Variants in ASXL2 observed in about 807,000 individuals in gnomAD.
ASXL2 encodes the protein ASXL transcriptional regulator 2, also known as putative Polycomb group protein ASXL2.
ASXL2 carries 23 observed loss-of-function variants against 122.0 expected under a neutral mutation model. The ratio of observed to expected loss-of-function variants is 0.19; its 90% confidence interval spans 0.14 to 0.27. The LOEUF (loss-of-function observed/expected upper bound fraction) is 0.27, where lower values mean the gene tolerates loss of function less well. Ranked by LOEUF, ASXL2 falls within the 10% of genes least tolerant of loss-of-function variation. The pLI is 1.00. For synonymous variants in ASXL2, 650 were observed against 637.0 expected (o/e 1.02, Z -0.31); for missense variants, 1,518 against 1,713.8 (o/e 0.89, Z 2.02).
At position 25,832,719 on chromosome 2, in the gene ASXL2, TACAAA is replaced by T. The variant is rs1300559568; in HGVS notation, c.143+2814_143+2818del. On this transcript the variant is annotated intron_variant, in intron 3 of 12. Transcript: ENST00000435504. ...CCAGAGAATGGAAAATGTATGCCCA[TACAAA>T]AACATTTACACAAATGTTCATAGAA... Among the ~76,000 whole-genome samples the T allele has an allele frequency of 1.1e-3, 163 of 152,296 alleles. 1 individual carries two copies. Among genetic ancestry groups the T allele is most frequent in the Non-Finnish European group, 1.3e-4 (9 of 68,020 alleles).
chr2:25,748,065 C>A (rs1318542499), intron 12 of ASXL2, among the ~76,000 whole-genome samples: 1 of 151,918 alleles, frequency 6.6e-6, no homozygotes, highest in African/African-American at 2.4e-5. Flanking sequence ...ATAATCCTAG[C>A]TACTTGGGAG....
At chr2:25,814,656 T>C (rs2089212226) in intron 3 of ASXL2, among the ~76,000 whole-genome samples, 1 of 152,212 alleles carries the variant, frequency 6.6e-6, no homozygotes, top group African/African-American at 2.4e-5. Context: ...ACTAATATGT[T>C]TTGTACATAA....
At chr2:25,759,893 A>T (rs1350740290) in intron 8 of ASXL2, among the ~76,000 whole-genome samples, 3 of 152,304 alleles carry the variant, frequency 2.0e-5, no homozygotes, top group African/African-American at 7.2e-5. Context: ...GTCTGTAAAA[A>T]TGGGTCTTCT....
Position 25,750,070 on chromosome 2 carries a change from A to T in ASXL2, c.1486T>A (p.Ser496Thr). ...EDLLEQKPVTSAEQESEKNHL... is the reference protein window; with the variant it reads ...EDLLEQKPVTTAEQESEKNHL... ...TTCTTCTCAGATTCCTGTTCAGCAG[A>T]GGTGACTGGCTTCTGCTCCAAGAGA... Residue 496 changes from serine to threonine, a missense_variant, in exon 12 of 13, where the codon TCT (serine) becomes ACT (threonine). Ser to Thr is a moderately conservative substitution (Grantham distance 58, BLOSUM62 1). Around this residue, in one of 8 missense-constraint regions of ASXL2, gnomAD observed 292 missense variants for 293.5 expected, o/e 1.00. Coordinates refer to ENST00000435504, the MANE Select transcript of ASXL2 (RefSeq NM_018263.6). The T allele has an allele frequency of 1.9e-6, 3 of 1,614,032 alleles. No homozygotes were observed. The South Asian group carries it at 3.3e-5, about 18-fold the overall frequency.
At chr2:25,811,055 T>TAGAC (rs2089162081) in intron 3 of ASXL2, among the ~76,000 whole-genome samples, 1 of 116,358 alleles carries the variant, frequency 8.6e-6, no homozygotes, top group African/African-American at 3.3e-5. Context: ...AATACAAAAA[T>TAGAC]ACACACACAC....
intron 8 of ASXL2, among the ~76,000 whole-genome samples, chr2:25,760,568 A>C (rs1461287394): frequency 2.6e-5 from 4 of 152,224 alleles, no homozygotes; most frequent in Non-Finnish European, 4.4e-5. Context: ...AATATACATA[A>C]AACTACAGGA....
At chr2:25,821,134 G>A (rs781738916) in intron 3 of ASXL2, among the ~76,000 whole-genome samples, 8 of 152,050 alleles carry the variant, frequency 5.3e-5, no homozygotes, top group Non-Finnish European at 8.8e-5. Flanking sequence ...AGCCAAGATC[G>A]CGCCACTGCA....
chr2:25,790,414 C>A (rs972952976), intron 5 of ASXL2, among the ~76,000 whole-genome samples: 11 of 149,828 alleles, frequency 7.3e-5, no homozygotes, highest in Non-Finnish European at 1.5e-4. Context: ...AAAAATAAGA[C>A]CTTGGTTAAA....
intron 3 of ASXL2, among the ~76,000 whole-genome samples, chr2:25,815,135 C>G (rs1188388508): frequency 6.6e-6 from 1 of 152,190 alleles, no homozygotes; most frequent in Non-Finnish European, 1.5e-5. Flanking sequence ...ATTCTCCACT[C>G]TGAAGCCAGA....
chr2:25,854,751 T>A (rs537009870), intron 1 of ASXL2, among the ~76,000 whole-genome samples: 2 of 152,228 alleles, frequency 1.3e-5, no homozygotes, highest in Non-Finnish European at 2.9e-5. Flanking sequence ...AGTCTGGCCA[T>A]GAGTGACGGA....
At chr2:25,770,227 C>T (rs1156495107) in intron 6 of ASXL2, among the ~76,000 whole-genome samples, 1 of 150,658 alleles carries the variant, frequency 6.6e-6, no homozygotes, top group Admixed American at 6.6e-5. Context: ...TTTTTTTTTT[C>T]AGACGGGGTC....
intron 3 of ASXL2, among the ~76,000 whole-genome samples, 196 bp from the exon 4 acceptor site, chr2:25,806,533 T>C (rs145479800): frequency 1.6e-4 from 25 of 152,354 alleles, no homozygotes; most frequent in African/African-American, 5.3e-4. Context: ...TTTCCATGTA[T>C]CTACAAAATA....
intron 3 of ASXL2, chr2:25,810,416 C>G (rs2149176439): frequency 2.9e-6 from 2 of 690,552 alleles, no homozygotes; most frequent in Non-Finnish European, 5.3e-6. Flanking sequence ...GTAGCTTTTT[C>G]CGCTTCTTCC....
rs556899591 is a variant in ASXL2, at chr2:25,843,027, A to G, written c.140+2454T>C. On this transcript the variant is annotated intron_variant, in intron 2 of 12. Coordinates refer to ENST00000435504, the MANE Select transcript of ASXL2 (RefSeq NM_018263.6). ...AATAGAGACGGGGTTTTGGCTGGGC[A>G]CGGTGGCTCACGCCTGTAATCCCAG... 5.9e-3 allele frequency among the ~76,000 whole-genome samples: 879 copies of G among 150,180 alleles called. 4 individuals are homozygous for G. Among genetic ancestry groups the G allele is most frequent in the African/African-American group, 0.011 (466 of 40,918 alleles).
rs945068221 is a variant in ASXL2 at position 25,739,003 on chromosome 2, C to A, written c.*3026G>T. The A allele has an allele frequency of 6.6e-6, 1 of 152,108 alleles. No individual in the cohort carries two copies. The highest frequency in any genetic ancestry group is 1.5e-5 in the Non-Finnish European group (1 of 68,020). 9.4% of individuals were successfully genotyped at this position (152,108 alleles called of 1,614,324 possible). Reference sequence around the variant, plus strand: ...TAATAGGATGGAGAATTCTAATTCTCCAAAATTATTTAAGATTCAGGGAGA... The same window carrying A: ...TAATAGGATGGAGAATTCTAATTCTACAAAATTATTTAAGATTCAGGGAGA... On this transcript the variant is annotated 3_prime_UTR_variant, in exon 13 of 13. Coordinates refer to ENST00000435504, the MANE Select transcript of ASXL2 (RefSeq NM_018263.6).
At chr2:25,841,755 G>T (rs1489761467) in intron 2 of ASXL2, among the ~76,000 whole-genome samples, 1 of 152,034 alleles carries the variant, frequency 6.6e-6, no homozygotes, top group Non-Finnish European at 1.5e-5. Flanking sequence ...AGACCATCCT[G>T]GCTAACACAG....
At chr2:25,852,972 T>C (rs538553010) in intron 1 of ASXL2, among the ~76,000 whole-genome samples, 1 of 152,296 alleles carries the variant, frequency 6.6e-6, no homozygotes, top group South Asian at 2.1e-4. Flanking sequence ...AAAACAACTC[T>C]TTCTAGGACA....
At chr2:25,780,677 C>T (rs1171023053) in intron 5 of ASXL2, among the ~76,000 whole-genome samples, 1 of 152,166 alleles carries the variant, frequency 6.6e-6, no homozygotes, top group East Asian at 1.9e-4. Flanking sequence ...GTATTTTTGA[C>T]AGCTTATCTC....
chr2:25,743,606 C>G lies in ASXL2; in HGVS notation c.2731G>C (p.Ala911Pro), dbSNP rs2087882562. 6.2e-7 allele frequency: 1 copy of G among 1,613,980 alleles called. No homozygotes were observed. Among genetic ancestry groups the G allele is most frequent in the South Asian group, 1.1e-5 (1 of 91,084 alleles). The change falls in exon 13 of 13, where the codon GCT becomes CCT. Residue 911 changes from alanine (A) to proline (P), a missense_variant. Physicochemically the swap from Ala to Pro is conservative, Grantham distance 27. This residue lies in a region of ASXL2 where 831 missense variants were observed against 833.1 expected (regional missense o/e 1.00). Coordinates refer to ENST00000435504, the MANE Select transcript of ASXL2 (RefSeq NM_018263.6). ...GTGCTCGAGGGTGGAGCTGATCCAG[C>G]AGGTGCTGTAGTTGCACTGACCTGG... Reference protein sequence around the residue: ...VPQVSATTAPAGSAPPSSTLP... With the variant: ...VPQVSATTAPPGSAPPSSTLP...
Sources: allele counts gnomAD v4.1 joint callset (sites outside exome capture counted in the v4.1 genomes callset), GRCh38; gene constraint gnomAD v4.1.1; regional missense constraint gnomAD v4.1.1; transcripts MANE v1.5; gene names NCBI Gene and HGNC (gene_info 2026-07-23, HGNC 2026-07-21).